Variants in PDE4D observed in about 807,000 individuals in gnomAD.
PDE4D encodes 3',5'-cyclic-AMP phosphodiesterase 4D.
A neutral mutation model predicts 87.4 loss-of-function variants in PDE4D; 24 were observed. The ratio of observed to expected loss-of-function variants is 0.27; its 90% CI spans 0.20 to 0.39. The LOEUF (loss-of-function observed/expected upper bound fraction) is 0.39. Ranked by LOEUF, PDE4D falls within the 10% of genes least tolerant of loss-of-function variation. The pLI is 1.00. For missense variants in PDE4D, 714 were observed against 1,041.0 expected (o/e 0.69, Z 4.32); for synonymous variants, 384 against 383.2 (o/e 1.00, Z -0.02).
At chr5:58,977,120 C>T in intron 12 of PDE4D, 71 bp downstream of exon 12, 1 of 1,410,020 alleles carries the variant, frequency 7.1e-7, no homozygotes, top group Non-Finnish European at 9.7e-7. Flanking sequence ...TAATACTCAT[C>T]TTGTTCTTAT....
chr5:59,051,174 C>A (rs1356372037), intron 5 of PDE4D, among the ~76,000 whole-genome samples: 4 of 152,188 alleles, frequency 2.6e-5, no homozygotes, highest in Admixed American at 2.6e-4. Context: ...GAGTTCAAGA[C>A]CAGCCTAGAC....
At chr5:59,104,475 T>C (rs1056499070) in intron 5 of PDE4D, among the ~76,000 whole-genome samples, 4 of 152,166 alleles carry the variant, frequency 2.6e-5, no homozygotes, top group Non-Finnish European at 5.9e-5. Context: ...AAGCGTAAGC[T>C]CTCCTATTTA....
At chr5:59,792,128 T>C (rs1765864274) in intron 1 of PDE4D, among the ~76,000 whole-genome samples, 1 of 151,934 alleles carries the variant, frequency 6.6e-6, no homozygotes, top group East Asian at 1.9e-4. Flanking sequence ...GATAAATCCA[T>C]GAGTAGTAAG....
intron 1 of PDE4D, among the ~76,000 whole-genome samples, chr5:59,826,777 G>A (rs1040900424): frequency 4.6e-5 from 7 of 152,048 alleles, no homozygotes; most frequent in African/African-American, 1.4e-4. Flanking sequence ...TTTTTTAATA[G>A]ATAAAGGGAA....
At chr5:58,986,561 G>A (rs951803439) in intron 11 of PDE4D, among the ~76,000 whole-genome samples, 1 of 152,184 alleles carries the variant, frequency 6.6e-6, no homozygotes, top group Non-Finnish European at 1.5e-5. Context: ...ATTCTCCTAG[G>A]AGCGTGAACC....
At chr5:59,489,238 C>T (rs535154389) in intron 1 of PDE4D, among the ~76,000 whole-genome samples, 1 of 150,310 alleles carries the variant, frequency 6.7e-6, no homozygotes, top group South Asian at 2.1e-4. Context: ...GCACTCTAGC[C>T]TGGCGACAGA....
At chr5:60,066,162 G>T (rs1457791436) in intron 2 of PDE4D, among the ~76,000 whole-genome samples, 1 of 152,132 alleles carries the variant, frequency 6.6e-6, no homozygotes, top group Admixed American at 6.5e-5. Context: ...TTGTGGTTTT[G>T]ATTTGCATTT....
chr5:59,746,963 T>C (rs2150703467), intron 1 of PDE4D, among the ~76,000 whole-genome samples: 1 of 152,272 alleles, frequency 6.6e-6, no homozygotes, highest in South Asian at 2.1e-4. Context: ...TCTACTGACC[T>C]AAAGGTCTCT....
intron 1 of PDE4D, among the ~76,000 whole-genome samples, chr5:59,862,014 C>A (rs6876534): frequency 0.093 from 14,113 of 152,150 alleles, 2,024 homozygotes; most frequent in African/African-American, 0.31. Flanking sequence ...ACTTGCTTGT[C>A]CTCCTGTGCC....
intron 1 of PDE4D, among the ~76,000 whole-genome samples, chr5:60,397,487 C>A (rs1762962881): frequency 6.6e-6 from 1 of 152,184 alleles, no homozygotes; most frequent in African/African-American, 2.4e-5. Flanking sequence ...TCATGTGCAA[C>A]AACATTACTG....
At chr5:59,229,838 G>C (rs1346597950) in intron 1 of PDE4D, among the ~76,000 whole-genome samples, 1 of 152,106 alleles carries the variant, frequency 6.6e-6, no homozygotes, top group Non-Finnish European at 1.5e-5. Flanking sequence ...TGCTCTTGTT[G>C]TGCAGGCTGG....
At chr5:60,157,262 A>G (rs566876801) in intron 2 of PDE4D, among the ~76,000 whole-genome samples, 51 of 152,216 alleles carry the variant, frequency 3.4e-4, no homozygotes, top group Non-Finnish European at 6.6e-4. Flanking sequence ...TAAATTACCT[A>G]TTGGCCACAT....
chr5:59,090,799 TTC>T (rs1554066470), intron 5 of PDE4D, among the ~76,000 whole-genome samples: 5 of 139,446 alleles, frequency 3.6e-5, no homozygotes, highest in South Asian at 2.3e-4. Flanking sequence ...TGTTTTTTTT[TTC>T]TTTTTCTTTT....
chr5:60,410,369 G>A (rs1267389923), intron 1 of PDE4D, among the ~76,000 whole-genome samples: 1 of 151,910 alleles, frequency 6.6e-6, no homozygotes, highest in Non-Finnish European at 1.5e-5. Flanking sequence ...ACATCATCTT[G>A]GAGAGAAACC....
chr5:60,386,001 A>G (rs1353676680), intron 1 of PDE4D, among the ~76,000 whole-genome samples: 1 of 152,106 alleles, frequency 6.6e-6, no homozygotes, highest in Non-Finnish European at 1.5e-5. Flanking sequence ...TGAATTCCCA[A>G]CAAGAAAGGA....
chr5:59,870,199 C>T (rs915249000), intron 1 of PDE4D, among the ~76,000 whole-genome samples: 4 of 152,184 alleles, frequency 2.6e-5, no homozygotes, highest in African/African-American at 9.7e-5. Context: ...TAATAAATTG[C>T]CACATTGGCC....
chr5:60,438,244 C>T (rs1744914653), intron 1 of PDE4D, among the ~76,000 whole-genome samples: 1 of 151,952 alleles, frequency 6.6e-6, no homozygotes, highest in Admixed American at 6.6e-5. Flanking sequence ...AGGGATCAAA[C>T]AAGGGAGGGA....
At chr5:60,005,344 C>T (rs1478246923) in intron 2 of PDE4D, among the ~76,000 whole-genome samples, 1 of 152,004 alleles carries the variant, frequency 6.6e-6, no homozygotes, top group African/African-American at 2.4e-5. Flanking sequence ...TACTAACTTT[C>T]AGTTATAAGA....
chr5:60,396,378 T>G (rs1283493683), intron 1 of PDE4D, among the ~76,000 whole-genome samples: 1 of 152,172 alleles, frequency 6.6e-6, no homozygotes, highest in Non-Finnish European at 1.5e-5. Context: ...GCCACATATT[T>G]CTTTGGCTTC....
Sources: allele counts gnomAD v4.1 joint callset (sites outside exome capture counted in the v4.1 genomes callset), GRCh38; gene constraint gnomAD v4.1.1; transcripts MANE v1.5; gene names NCBI Gene and HGNC (gene_info 2026-07-23, HGNC 2026-07-21).